NCAM2: variants seen among roughly 807,000 people sequenced by gnomAD.
NCAM2 encodes N-CAM-2.
In NCAM2, 30 loss-of-function variants were observed where a neutral mutation model predicts 98.1. The ratio of observed to expected loss-of-function variants is 0.31; its 90% CI spans 0.23 to 0.41. The LOEUF is 0.41. Ranked by LOEUF, NCAM2 falls within the 10% of genes least tolerant of loss-of-function variation. NCAM2 has a pLI of 1.00. For missense variants in NCAM2, 867 were observed against 1,005.8 expected (o/e 0.86, Z 1.87); for synonymous variants, 368 against 342.4 (o/e 1.07, Z -0.83).
chr21:21,134,064 C>CTTT (rs36062789), intron 1 of NCAM2, among the ~76,000 whole-genome samples: 1 of 137,504 alleles, frequency 7.3e-6, no homozygotes, highest in Non-Finnish European at 1.6e-5. Flanking sequence ...CACTTCCTCT[C>CTTT]TTTTTTTTTT....
At chr21:21,311,728 A>T (rs1308335209) in intron 5 of NCAM2, among the ~76,000 whole-genome samples, 1 of 151,998 alleles carries the variant, frequency 6.6e-6, no homozygotes, top group Non-Finnish European at 1.5e-5. Context: ...TCATACATAA[A>T]TTTTGCTTGA....
intron 15 of NCAM2, among the ~76,000 whole-genome samples, chr21:21,479,965 C>A (rs773975478): frequency 1.3e-5 from 2 of 152,012 alleles, no homozygotes; most frequent in African/African-American, 4.8e-5. Context: ...TTGTGACAAA[C>A]CCTTGAATGA....
At chr21:21,044,744 T>C (rs900296487) in intron 1 of NCAM2, among the ~76,000 whole-genome samples, 2 of 152,034 alleles carry the variant, frequency 1.3e-5, no homozygotes, top group Non-Finnish European at 1.5e-5. Flanking sequence ...GGTGGGAAGA[T>C]TGCTTGAGCC....
chr21:21,434,033 A>G (rs1458546297), intron 12 of NCAM2, among the ~76,000 whole-genome samples: 1 of 152,192 alleles, frequency 6.6e-6, no homozygotes, highest in Non-Finnish European at 1.5e-5. Flanking sequence ...AAGGTGCAGC[A>G]CGATGGAGAA....
At chr21:21,076,191 A>C (rs764634477) in intron 1 of NCAM2, among the ~76,000 whole-genome samples, 8 of 152,074 alleles carry the variant, frequency 5.3e-5, no homozygotes, top group Non-Finnish European at 1.0e-4. Flanking sequence ...TTATATTATA[A>C]GGGAAATGAG....
chr21:21,331,991 C>T (rs1359788412), intron 6 of NCAM2, among the ~76,000 whole-genome samples: 1 of 151,934 alleles, frequency 6.6e-6, no homozygotes, highest in Admixed American at 6.6e-5. Flanking sequence ...CAACCTCCAC[C>T]TCCCAGATTC....
intron 1 of NCAM2, among the ~76,000 whole-genome samples, chr21:21,210,007 T>A (rs1013402315): frequency 6.6e-6 from 1 of 152,156 alleles, no homozygotes; most frequent in African/African-American, 2.4e-5. Context: ...TGGCCGACTT[T>A]CCATTGTGGA....
In NCAM2 at chr21:21,538,710, GC is replaced by G. The variant is rs1990112253; in HGVS notation, c.*754del. 1.3e-5 allele frequency: 2 copies of G among 152,008 alleles called. No individual in the cohort carries two copies. The allele number at this position is 152,008 out of a possible 1,614,324, so 9.4% of individuals were successfully genotyped here. Reference sequence around the variant, plus strand: ...TGGATTATACAAAAAAAAGTGTATTGCAAGTGAAATAATATTGATTTCTGCC... The same window carrying G: ...TGGATTATACAAAAAAAAGTGTATTGAAGTGAAATAATATTGATTTCTGCC... On this transcript the variant is annotated 3_prime_UTR_variant, in exon 18 of 18. Coordinates refer to ENST00000400546, the MANE Select transcript of NCAM2 (RefSeq NM_004540.5).
intron 1 of NCAM2, among the ~76,000 whole-genome samples, chr21:21,187,789 A>G (rs945592706): frequency 1.3e-5 from 2 of 152,170 alleles, no homozygotes; most frequent in African/African-American, 2.4e-5. Context: ...CTACTGAGTG[A>G]GCACATTAGT....
intron 1 of NCAM2, among the ~76,000 whole-genome samples, chr21:21,121,853 T>C (rs8132784): frequency 0.24 from 37,255 of 152,158 alleles, 4,610 homozygotes; most frequent in Middle Eastern, 0.29. Flanking sequence ...ATCAGGAAGC[T>C]GATACCACAG....
At chr21:21,201,722 A>T (rs1321516239) in intron 1 of NCAM2, among the ~76,000 whole-genome samples, 3 of 152,172 alleles carry the variant, frequency 2.0e-5, no homozygotes, top group African/African-American at 7.2e-5. Flanking sequence ...GCAGTGGTTC[A>T]TTCCTAGCTG....
intron 1 of NCAM2, among the ~76,000 whole-genome samples, chr21:21,113,390 T>A (rs2066491831): frequency 6.6e-6 from 1 of 151,760 alleles, no homozygotes; most frequent in African/African-American, 2.4e-5. Flanking sequence ...AATATACTAA[T>A]GTTTTATATC....
At chr21:21,134,710 CTTTT>C (rs3071995) in intron 1 of NCAM2, among the ~76,000 whole-genome samples, 4 of 134,356 alleles carry the variant, frequency 3.0e-5, no homozygotes, top group East Asian at 4.3e-4. Flanking sequence ...ATATTGCAGC[CTTTT>C]TTTTTTTTTT....
At chr21:21,074,285 TTTACATTTATTTTACATTAA>T (rs1430448100) in intron 1 of NCAM2, among the ~76,000 whole-genome samples, 3 of 151,990 alleles carry the variant, frequency 2.0e-5, no homozygotes, top group African/African-American at 4.8e-5. Flanking sequence ...TAAAATAAAT[TTTACATTTATTTTACATTAA>T]TTACATTTAT....
chr21:21,496,287 T>C (rs189946758), intron 15 of NCAM2, among the ~76,000 whole-genome samples: 2 of 152,130 alleles, frequency 1.3e-5, no homozygotes, highest in African/African-American at 4.8e-5. Flanking sequence ...CTGTTGTTTT[T>C]TGACTTTTTA....
At chr21:21,331,507 C>A (rs1219241918) in intron 6 of NCAM2, among the ~76,000 whole-genome samples, 2 of 798 alleles carry the variant, frequency 2.5e-3, no homozygotes, top group East Asian at 0.031. Flanking sequence ...ATACTCTATA[C>A]TCTCTCTCTC....
At chr21:21,029,268 G>T (rs1016838001) in intron 1 of NCAM2, among the ~76,000 whole-genome samples, 4 of 152,180 alleles carry the variant, frequency 2.6e-5, no homozygotes, top group African/African-American at 9.7e-5. Context: ...ATCTGTGACA[G>T]TGGTCAAGGT....
intron 4 of NCAM2, among the ~76,000 whole-genome samples, chr21:21,286,955 G>T (rs1037807966): frequency 5.9e-5 from 9 of 151,754 alleles, no homozygotes; most frequent in South Asian, 2.1e-4. Context: ...ATTATTCTGG[G>T]GCAGTACGTT....
chr21:21,301,050 C>T (rs1353870460), intron 5 of NCAM2, among the ~76,000 whole-genome samples: 4 of 151,958 alleles, frequency 2.6e-5, no homozygotes, highest in African/African-American at 7.2e-5. Context: ...AGTATTTGTT[C>T]GTGTCCTTTG....
Sources: gnomAD v4.1 joint callset for allele counts (sites outside exome capture counted in the v4.1 genomes callset) on GRCh38, gnomAD v4.1.1 for gene constraint, MANE v1.5 for transcripts, NCBI Gene and HGNC (gene_info 2026-07-23, HGNC 2026-07-21) for gene names.